PRKCZ: variants seen among roughly 807,000 people sequenced by gnomAD.
PRKCZ encodes the protein protein kinase C zeta type.
A neutral mutation model predicts 79.5 loss-of-function variants in PRKCZ; 33 were observed. The observed-to-expected ratio is 0.41, with a 90% CI of 0.31 to 0.55. PRKCZ has a LOEUF of 0.55. PRKCZ is among the 20% of genes least tolerant of loss of function. The pLI is 0.19. For synonymous variants in PRKCZ, 342 were observed against 320.9 expected (o/e 1.07, Z -0.70); for missense variants, 578 against 813.5 (o/e 0.71, Z 3.52).
Position 2,180,538 on chromosome 1 carries a change from G to A in PRKCZ, c.1576-4045G>A, listed in dbSNP as rs572172049. Among the ~76,000 whole-genome samples, 281 of 150,226 alleles carry A rather than the reference G, an allele frequency of 1.9e-3. 1 individual carries two copies. Among genetic ancestry groups the A allele is most frequent in the African/African-American group, 6.7e-3 (270 of 40,372 alleles). On this transcript the variant is annotated intron_variant, in intron 16 of 17. Coordinates refer to ENST00000378567, the MANE Select transcript of PRKCZ (RefSeq NM_002744.6). ...GGACGCACAGATGACGTGGACGCAC[G>A]GACGACGTGGATGCATGGACGACGT... is the stretch of plus-strand genomic sequence containing the variant.
intron 5 of PRKCZ, chr1:2,143,996 T>C (rs1677953642): frequency 3.3e-6 from 2 of 598,912 alleles, no homozygotes; most frequent in Non-Finnish European, 2.8e-6. Context: ...AGGCCTCTCC[T>C]TGGGGCCACT....
At chr1:2,163,053 C>G (rs1290105574) in intron 10 of PRKCZ, among the ~76,000 whole-genome samples, 1 of 152,190 alleles carries the variant, frequency 6.6e-6, no homozygotes, top group Non-Finnish European at 1.5e-5. Context: ...CCGCTGCAAC[C>G]AGGTCGTGCC....
intron 5 of PRKCZ, chr1:2,144,007 G>C (rs918901770): frequency 2.2e-4 from 141 of 642,880 alleles, no homozygotes; most frequent in Non-Finnish European, 2.1e-4. Context: ...TGGGGCCACT[G>C]GTTCCCCCAA....
chr1:2,121,176 G>A (rs902675065), intron 4 of PRKCZ, among the ~76,000 whole-genome samples: 1 of 152,164 alleles, frequency 6.6e-6, no homozygotes, highest in South Asian at 2.1e-4. Context: ...GCAAAATACT[G>A]TCATTACATC....
chr1:2,113,975 G>A (rs559505990), intron 4 of PRKCZ, among the ~76,000 whole-genome samples: 2 of 152,302 alleles, frequency 1.3e-5, no homozygotes, highest in East Asian at 3.9e-4. Flanking sequence ...GGGTGCCACC[G>A]GTCAAGGGCT....
chr1:2,185,258 G>T lies in PRKCZ; in HGVS notation c.*249G>T. ...TGCCTGCGTCGCGGCGGATCCGCGGGGACCCTGCCGAGGGGGCTGTCATGC... is the reference window on the plus strand; with the variant it reads ...TGCCTGCGTCGCGGCGGATCCGCGGTGACCCTGCCGAGGGGGCTGTCATGC... On this transcript the variant is annotated 3_prime_UTR_variant, in exon 18 of 18. Transcript: ENST00000378567. 1.4e-6 allele frequency: 1 copy of T among 714,836 alleles called. No homozygotes were observed. Among genetic ancestry groups the T allele is most frequent in the Non-Finnish European group, 2.6e-6 (1 of 383,268 alleles). 44.3% of individuals were successfully genotyped at this position (714,836 alleles called of 1,614,324 possible).
chr1:2,093,333 C>T (rs910432915), intron 4 of PRKCZ, among the ~76,000 whole-genome samples: 6 of 152,132 alleles, frequency 3.9e-5, no homozygotes, highest in East Asian at 1.9e-4. Flanking sequence ...TTGCTCTTGG[C>T]GGGCGGCTAG....
chr1:2,164,555 C>T (rs1397822930), intron 10 of PRKCZ, among the ~76,000 whole-genome samples: 1 of 152,162 alleles, frequency 6.6e-6, no homozygotes, highest in Admixed American at 6.5e-5. Context: ...TGGAAACTGT[C>T]AGGGCGACAG....
intron 4 of PRKCZ, among the ~76,000 whole-genome samples, chr1:2,121,551 G>GTTAGGGTCATGGTGGTAC (rs1671935149): frequency 2.4e-5 from 1 of 41,422 alleles, no homozygotes; most frequent in African/African-American, 6.9e-5. Flanking sequence ...TATATCAGTA[G>GTTAGGGTCATGGTGGTAC]TTAGGGCTAT....
chr1:2,103,792 C>T (rs1418238938), intron 4 of PRKCZ, among the ~76,000 whole-genome samples: 4 of 151,954 alleles, frequency 2.6e-5, no homozygotes, highest in African/African-American at 9.6e-5. Flanking sequence ...TCTGGGGCGG[C>T]GGGTGAGTGC....
Position 2,128,621 on chromosome 1 carries a change from A to G in PRKCZ, c.335-6641A>G, listed in dbSNP as rs1258211971. ...AGGAGCGGCCCCTGTGATCCCCACA[A>G]TTTTGTTCCCTGCTTGCTTCAGCAG... On this transcript the variant is annotated intron_variant, in intron 4 of 17. Transcript: ENST00000378567. The surrounding 1 kb of genome is among the most constrained non-coding windows in gnomAD (Gnocchi z 6.5). 6.6e-6 allele frequency among the ~76,000 whole-genome samples: 1 copy of G among 152,032 alleles called. No individual in the cohort carries two copies. The highest frequency in any genetic ancestry group is 1.9e-4 in the East Asian group (1 of 5,184).
At chr1:2,073,620 G>C in intron 4 of PRKCZ, 3 of 989,406 alleles carry the variant, frequency 3.0e-6, no homozygotes, top group Non-Finnish European at 3.6e-6. Context: ...TGTGACGTCA[G>C]CGTCAGCTCC....
chr1:2,105,353 G>T (rs1231910966), intron 4 of PRKCZ, among the ~76,000 whole-genome samples: 4 of 152,212 alleles, frequency 2.6e-5, no homozygotes, highest in African/African-American at 9.6e-5. Flanking sequence ...GGGCCCATCC[G>T]GGAGTAGAAG....
chr1:2,105,096 C>G (rs1668147090), intron 4 of PRKCZ, among the ~76,000 whole-genome samples: 2 of 152,188 alleles, frequency 1.3e-5, no homozygotes, highest in South Asian at 4.1e-4. Flanking sequence ...CAGCACACGT[C>G]TGTCGTGCCA....
At chr1:2,139,782 T>C (rs772370759) in intron 5 of PRKCZ, among the ~76,000 whole-genome samples, 2 of 152,154 alleles carry the variant, frequency 1.3e-5, no homozygotes, top group African/African-American at 4.8e-5. Context: ...GGTTTGTGTA[T>C]GGGGAAGATC....
intron 4 of PRKCZ, among the ~76,000 whole-genome samples, chr1:2,132,090 C>T (rs1675094790): frequency 6.6e-6 from 1 of 152,198 alleles, no homozygotes; most frequent in South Asian, 2.1e-4. Context: ...GGATTACAGG[C>T]GGGAGCCACC....
intron 4 of PRKCZ, among the ~76,000 whole-genome samples, chr1:2,070,943 G>A (rs1661522577): frequency 6.6e-6 from 1 of 152,152 alleles, no homozygotes; most frequent in African/African-American, 2.4e-5. Context: ...TCATAGCCCT[G>A]TAGCCTAGGG....
chr1:2,170,164 GT>G (rs1684139753), intron 11 of PRKCZ, among the ~76,000 whole-genome samples: 2 of 152,158 alleles, frequency 1.3e-5, no homozygotes, highest in South Asian at 4.1e-4. Context: ...CAGAACGAGA[GT>G]GGTCTGTTTC....
At chr1:2,121,389 A>C (rs183519718) in intron 4 of PRKCZ, among the ~76,000 whole-genome samples, 1 of 146,730 alleles carries the variant, frequency 6.8e-6, no homozygotes, top group Admixed American at 6.7e-5. Flanking sequence ...TTGAAGCCCT[A>C]ACCCTCCAGT....
Sources: gnomAD v4.1 joint callset for allele counts (sites outside exome capture counted in the v4.1 genomes callset) on GRCh38, gnomAD v4.1.1 for gene constraint, Gnocchi (gnomAD v3.1) non-coding constraint, MANE v1.5 for transcripts, NCBI Gene and HGNC (gene_info 2026-07-23, HGNC 2026-07-21) for gene names.